Variants in SEPTIN2 observed in about 807,000 individuals in gnomAD.
The protein encoded by SEPTIN2 is septin-2.
Under a neutral mutation model 46.5 loss-of-function variants are expected in SEPTIN2, and 34 were observed. The observed-to-expected ratio is 0.73, with a 90% confidence interval of 0.56 to 0.97. The LOEUF (loss-of-function observed/expected upper bound fraction) is 0.97. SEPTIN2 is among the 50% of genes least tolerant of loss of function. SEPTIN2 has a pLI of 0.00. For missense variants in SEPTIN2, 347 were observed against 448.4 expected (o/e 0.77, Z 2.04); for synonymous variants, 175 against 153.4 (o/e 1.14, Z -1.04).
At chr2:241,318,917 C>CA (rs745436545) in intron 1 of SEPTIN2, among the ~76,000 whole-genome samples, 3 of 152,000 alleles carry the variant, frequency 2.0e-5, no homozygotes, top group Non-Finnish European at 4.4e-5. Flanking sequence ...AGGATGGTCT[C>CA]AATCTTTTGA....
intron 7 of SEPTIN2, among the ~76,000 whole-genome samples, chr2:241,338,395 T>C (rs2080388221): frequency 1.3e-5 from 2 of 151,542 alleles, no homozygotes; most frequent in Non-Finnish European, 1.5e-5. Context: ...ACTCTAAAAA[T>C]ACAAATCCCT....
intron 3 of SEPTIN2, among the ~76,000 whole-genome samples, chr2:241,328,228 A>G (rs1420766249): frequency 6.6e-6 from 1 of 152,050 alleles, no homozygotes; most frequent in Non-Finnish European, 1.5e-5. Flanking sequence ...TGAGGTCAGG[A>G]GTTTGAGACC....
At chr2:241,341,952 C>T (rs971363117) in intron 7 of SEPTIN2, among the ~76,000 whole-genome samples, 4 of 152,164 alleles carry the variant, frequency 2.6e-5, no homozygotes, top group Admixed American at 6.5e-5. Flanking sequence ...TGAATGCATT[C>T]GTATTTCAAC....
intron 4 of SEPTIN2, chr2:241,335,628 CAT>C: frequency 1.7e-6 from 1 of 580,588 alleles, no homozygotes; most frequent in Non-Finnish European, 3.1e-6. Context: ...AATAGGCACA[CAT>C]AGTGAGAGCC....
rs543422602 is a variant in SEPTIN2, at chr2:241,327,516, A to G, written c.130+1403A>G. ...CAGAGAAGACAGGAAAGCAAAAAAA[A>G]AAAACATGAAAAAATAATGCCTGGG... On this transcript the variant is annotated intron_variant, in intron 3 of 12. Transcript: ENST00000391971. Among the ~76,000 whole-genome samples the G allele has an allele frequency of 3.3e-5, 5 of 151,876 alleles. No individual in the cohort carries two copies. The South Asian group carries it at 1.0e-3, about 32-fold the overall frequency.
intron 1 of SEPTIN2, among the ~76,000 whole-genome samples, chr2:241,323,228 TG>T (rs1171397723): frequency 6.6e-6 from 1 of 151,586 alleles, no homozygotes; most frequent in East Asian, 1.9e-4. Context: ...TGGAGTGCAG[TG>T]GCATGATCTC....
intron 1 of SEPTIN2, among the ~76,000 whole-genome samples, chr2:241,321,526 C>T (rs892134204): frequency 1.3e-5 from 2 of 151,674 alleles, no homozygotes; most frequent in African/African-American, 2.4e-5. Flanking sequence ...CTCTTTGTTC[C>T]TTTTGCTTTA....
At chr2:241,341,548 G>T (rs1268433227) in intron 7 of SEPTIN2, among the ~76,000 whole-genome samples, 1 of 152,154 alleles carries the variant, frequency 6.6e-6, no homozygotes, top group Non-Finnish European at 1.5e-5. Flanking sequence ...GCTTCTTATT[G>T]CTCAGTTTCT....
intron 3 of SEPTIN2, among the ~76,000 whole-genome samples, chr2:241,334,588 A>C (rs897962568): frequency 1.3e-5 from 2 of 152,198 alleles, no homozygotes; most frequent in Non-Finnish European, 1.5e-5. Context: ...AGCAGGAAGA[A>C]GACAAGGTGG....
intron 3 of SEPTIN2, among the ~76,000 whole-genome samples, chr2:241,327,905 T>C (rs2078267813): frequency 6.6e-6 from 1 of 151,804 alleles, no homozygotes; most frequent in South Asian, 2.1e-4. Context: ...ATATAAAAAT[T>C]AGCCAGCCTT....
chr2:241,346,152 C>T lies in SEPTIN2; in HGVS notation c.843-14C>T, dbSNP rs766896640. 3.7e-6 allele frequency: 6 copies of T among 1,608,570 alleles called. No homozygotes were observed. In the East Asian group the frequency reaches 1.1e-4, roughly 30 times the overall value. Reference sequence around the variant, plus strand: ...TGCATGATGCCACCTTGGTGCATTCCTCTTCTCTTTCAGCACCCACATGCA... The same window carrying T: ...TGCATGATGCCACCTTGGTGCATTCTTCTTCTCTTTCAGCACCCACATGCA... On this transcript the variant is annotated splice_polypyrimidine_tract_variant and intron_variant, in intron 9 of 12. Coordinates refer to ENST00000391971, the MANE Select transcript of SEPTIN2 (RefSeq NM_004404.5).
Position 241,337,727 on chromosome 2 carries a change from T to C in SEPTIN2, c.531T>C (p.Ile177=), listed in dbSNP as rs1233570257. ...AGGCAATACACAACAAGGTGAATATTGTGCCTGTCATTGCAAAAGCTGACA... is the reference window on the plus strand; with the variant it reads ...AGGCAATACACAACAAGGTGAATATCGTGCCTGTCATTGCAAAAGCTGACA... ...FMKAIHNKVN[I]VPVIAKADTL... is the part of the protein sequence containing the mutation. The change falls in exon 7 of 13, where the codon ATT becomes ATC. Residue 177 remains isoleucine, a synonymous_variant. Coordinates refer to ENST00000391971, the MANE Select transcript of SEPTIN2 (RefSeq NM_004404.5). 1 of 1,614,038 alleles carries C rather than the reference T, an allele frequency of 6.2e-7. No homozygotes were observed. The highest frequency in any genetic ancestry group is 8.5e-7 in the Non-Finnish European group (1 of 1,180,022).
chr2:241,332,034 T>G (rs1271114795), intron 3 of SEPTIN2, among the ~76,000 whole-genome samples: 1 of 152,192 alleles, frequency 6.6e-6, no homozygotes, highest in African/African-American at 2.4e-5. Flanking sequence ...AAAATGAACT[T>G]CAACTCCTGC....
At chr2:241,337,879 C>A in intron 7 of SEPTIN2, 89 bp downstream of exon 7, 1 of 862,038 alleles carries the variant, frequency 1.2e-6, no homozygotes, top group Non-Finnish European at 1.8e-6. Context: ...GCTCAGTCTG[C>A]TCAGGTGTCG....
chr2:241,315,610 G>A (rs2076049612), upstream of SEPTIN2: 1 of 152,316 alleles, frequency 6.6e-6, no homozygotes, highest in African/African-American at 2.4e-5. Context: ...GAGCTCATAA[G>A]GTAGGAACTG....
intron 10 of SEPTIN2, 21 bp from the exon 11 acceptor site, chr2:241,348,113 C>G (rs753617660): frequency 6.2e-7 from 1 of 1,601,528 alleles, no homozygotes; most frequent in Non-Finnish European, 8.5e-7. Flanking sequence ...TGTTATGATT[C>G]TGATTTCTTT....
chr2:241,342,885 T>C (rs2081450665), intron 7 of SEPTIN2, 107 bp from the exon 8 acceptor site: 1 of 660,564 alleles, frequency 1.5e-6, no homozygotes, highest in Non-Finnish European at 2.7e-6. Flanking sequence ...AGTTTGATTA[T>C]TGACATTTGT....
chr2:241,324,755 A>G (rs1195727942), intron 2 of SEPTIN2: 2 of 160,974 alleles, frequency 1.2e-5, no homozygotes, highest in African/African-American at 4.8e-5. Context: ...TACACACATC[A>G]GTAACAGTCC....
chr2:241,317,868 G>A (rs1303687200), intron 1 of SEPTIN2, among the ~76,000 whole-genome samples: 3 of 152,168 alleles, frequency 2.0e-5, no homozygotes, highest in Non-Finnish European at 2.9e-5. Context: ...CAAGATTAAA[G>A]AACTTTAAAC....
Sources: allele counts gnomAD v4.1 joint callset (sites outside exome capture counted in the v4.1 genomes callset), GRCh38; gene constraint gnomAD v4.1.1; transcripts MANE v1.5; gene names NCBI Gene and HGNC (gene_info 2026-07-23, HGNC 2026-07-21).